Variants in ITGA9 observed in about 807,000 individuals in gnomAD.
ITGA9 encodes the protein integrin subunit alpha 9.
ITGA9 carries 56 observed loss-of-function variants against 127.8 expected under a neutral mutation model. The observed-to-expected ratio is 0.44, with a 90% CI of 0.35 to 0.55. ITGA9 has a LOEUF of 0.55. Ranked by LOEUF, ITGA9 falls within the 20% of genes least tolerant of loss-of-function variation. The pLI, the probability that ITGA9 is intolerant of heterozygous loss-of-function variation, is 0.00. For missense variants in ITGA9, 1,196 were observed against 1,347.1 expected (o/e 0.89, Z 1.76); for synonymous variants, 508 against 514.5 (o/e 0.99, Z 0.17).
chr3:37,704,937 A>G (rs1700987773), intron 18 of ITGA9, among the ~76,000 whole-genome samples: 1 of 152,232 alleles, frequency 6.6e-6, no homozygotes, highest in African/African-American at 2.4e-5. Flanking sequence ...TACCAGTAAG[A>G]GACTGAATGA....
At chr3:37,626,373 G>A (rs1700176082) in intron 15 of ITGA9, among the ~76,000 whole-genome samples, 1 of 152,100 alleles carries the variant, frequency 6.6e-6, no homozygotes, top group Non-Finnish European at 1.5e-5. Context: ...TAAAACGGGG[G>A]GCAATGGCTG....
intron 4 of ITGA9, among the ~76,000 whole-genome samples, chr3:37,483,579 G>A (rs375006173): frequency 6.1e-4 from 93 of 152,340 alleles, no homozygotes; most frequent in Middle Eastern, 3.4e-3. Context: ...AGTCTCTGGG[G>A]TGGGTGCTGG....
intron 16 of ITGA9, among the ~76,000 whole-genome samples, chr3:37,632,577 G>A (rs1174765181): frequency 1.3e-5 from 2 of 152,138 alleles, no homozygotes; most frequent in Non-Finnish European, 1.5e-5. Context: ...GTTAAAGAGG[G>A]AGACTATTTT....
chr3:37,603,278 A>G (rs755761023), intron 15 of ITGA9, among the ~76,000 whole-genome samples: 1 of 152,216 alleles, frequency 6.6e-6, no homozygotes, highest in South Asian at 2.1e-4. Context: ...TGTACTGAAC[A>G]TATACAGACT....
At chr3:37,495,345 A>G (rs1698716983) in intron 5 of ITGA9, among the ~76,000 whole-genome samples, 1 of 152,244 alleles carries the variant, frequency 6.6e-6, no homozygotes, top group African/African-American at 2.4e-5. Context: ...GTGTGGTAGT[A>G]GCATGACTTT....
chr3:37,477,327 T>G (rs1003907763), intron 3 of ITGA9, among the ~76,000 whole-genome samples: 2 of 152,174 alleles, frequency 1.3e-5, no homozygotes, highest in Non-Finnish European at 2.9e-5. Context: ...AAGTGGTGTC[T>G]GGTGCTGATA....
chr3:37,787,581 T>C (rs750654880), intron 26 of ITGA9, among the ~76,000 whole-genome samples: 1 of 152,126 alleles, frequency 6.6e-6, no homozygotes, highest in Non-Finnish European at 1.5e-5. Context: ...TTTCAGTCCA[T>C]GAGCTACAAT....
chr3:37,706,278 C>G (rs578125987), intron 18 of ITGA9, among the ~76,000 whole-genome samples: 2 of 152,308 alleles, frequency 1.3e-5, no homozygotes, highest in Admixed American at 6.5e-5. Context: ...GGAATTCTCC[C>G]TTTCCGTCTC....
chr3:37,780,075 G>C (rs2125551578), intron 25 of ITGA9, 54 bp downstream of exon 25: 28 of 1,606,830 alleles, frequency 1.7e-5, no homozygotes, highest in Non-Finnish European at 2.4e-5. Flanking sequence ...TTGAATTGTT[G>C]ACATCTGATT....
chr3:37,463,385 T>C (rs1475176741), intron 1 of ITGA9, among the ~76,000 whole-genome samples: 2 of 152,174 alleles, frequency 1.3e-5, no homozygotes, highest in African/African-American at 2.4e-5. Context: ...CAGGACTCAC[T>C]CATGCATCTG....
chr3:37,619,434 A>G (rs1012081790), intron 15 of ITGA9, among the ~76,000 whole-genome samples: 1 of 152,232 alleles, frequency 6.6e-6, no homozygotes, highest in African/African-American at 2.4e-5. Flanking sequence ...AGAAAGGGAC[A>G]GAGAAAAAAA....
At chr3:37,490,888 C>T (rs1031796205) in intron 4 of ITGA9, among the ~76,000 whole-genome samples, 9 of 151,812 alleles carry the variant, frequency 5.9e-5, no homozygotes, top group African/African-American at 2.2e-4. Context: ...GGAAGAGTTC[C>T]ACAACCTGGT....
intron 9 of ITGA9, 119 bp from the exon 10 acceptor site, chr3:37,517,385 C>T: frequency 1.2e-6 from 1 of 801,916 alleles, no homozygotes; most frequent in Non-Finnish European, 2.1e-6. Context: ...CAGGTGTTTC[C>T]TGTCAATGAG....
intron 22 of ITGA9, chr3:37,748,403 A>G (rs923359274): frequency 8.4e-6 from 5 of 596,732 alleles, no homozygotes; most frequent in South Asian, 3.0e-5. Flanking sequence ...CACATTAAGC[A>G]CTCTAAGAGC....
At chr3:37,482,297 C>G (rs1698565769) in intron 4 of ITGA9, among the ~76,000 whole-genome samples, 1 of 152,208 alleles carries the variant, frequency 6.6e-6, no homozygotes, top group African/African-American at 2.4e-5. Context: ...CCAAGGGGCA[C>G]TTGGAAGGAA....
chr3:37,483,135 A>C (rs764656913), intron 4 of ITGA9, among the ~76,000 whole-genome samples: 12 of 152,162 alleles, frequency 7.9e-5, no homozygotes, highest in Non-Finnish European at 1.6e-4. Flanking sequence ...GTTGAACCAT[A>C]CTAGTTATGC....
chr3:37,520,369 A>G (rs1043797496), intron 11 of ITGA9, among the ~76,000 whole-genome samples: 5 of 152,154 alleles, frequency 3.3e-5, no homozygotes, highest in Non-Finnish European at 7.3e-5. Flanking sequence ...CGCAGCAGCC[A>G]TGTAAGATGG....
At position 37,732,774 on chromosome 3, in the gene ITGA9, T is replaced by C. The variant is rs1337588702; in HGVS notation, c.2130T>C (p.Phe710=). 1 of 1,611,288 alleles carries C rather than the reference T, an allele frequency of 6.2e-7. No homozygotes were observed. The highest frequency in any genetic ancestry group is 1.3e-5 in the African/African-American group (1 of 75,034). The change falls in exon 19 of 28, where the codon TTT becomes TTC. Residue 710 remains phenylalanine (F), a synonymous_variant. Coordinates refer to ENST00000264741, the MANE Select transcript of ITGA9 (RefSeq NM_002207.3). ...ACTTCCTCAAATGCAGCGTGGGATTTCCTTTCATGAGGTCAAAGTCAAAGG... is the reference window on the plus strand; with the variant it reads ...ACTTCCTCAAATGCAGCGTGGGATTCCCTTTCATGAGGTCAAAGTCAAAGG... ...ESDFLKCSVG[F]PFMRSKSKYE...
intron 15 of ITGA9, among the ~76,000 whole-genome samples, chr3:37,554,367 G>A (rs1439025195): frequency 6.6e-6 from 1 of 151,966 alleles, no homozygotes; most frequent in African/African-American, 2.4e-5. Flanking sequence ...GAGGAGCAGG[G>A]AGACCAGTGT....
Sources: gnomAD v4.1 joint callset for allele counts (sites outside exome capture counted in the v4.1 genomes callset) on GRCh38, gnomAD v4.1.1 for gene constraint, MANE v1.5 for transcripts, NCBI Gene and HGNC (gene_info 2026-07-23, HGNC 2026-07-21) for gene names.